ZFAND1: variants seen among roughly 807,000 people sequenced by gnomAD.
The protein encoded by ZFAND1 is zinc finger AN1-type containing 1, also known as AN1-type zinc finger protein 1.
A neutral mutation model predicts 38.5 loss-of-function variants in ZFAND1; 40 were observed. The observed-to-expected ratio is 1.04, with a 90% CI of 0.81 to 1.35. The LOEUF is 1.35. ZFAND1 is among the 40% of genes most tolerant of loss of function. The probability of loss-of-function intolerance (pLI) is 0.00; values close to 1 mark genes in which losing one functional copy is unlikely to be tolerated. For synonymous variants in ZFAND1, 117 were observed against 103.6 expected (o/e 1.13, Z -0.78); for missense variants, 346 against 316.3 (o/e 1.09, Z -0.71).
In ZFAND1 at chr8:81,721,262, C is replaced by G; in HGVS notation, c.20G>C (p.Gly7Ala). The G allele has an allele frequency of 1.3e-6, 2 of 1,549,316 alleles. No homozygotes were observed. Among genetic ancestry groups the G allele is most frequent in the Non-Finnish European group, 1.7e-6 (2 of 1,147,180 alleles). ...GCAATGCTCCACCTGGCAGTGCTGC[C>G]CGATGTCCAACTCCGCCATCTCTCC... MAELDI[G>A]QHCQVEHCRQ... The change falls in exon 1 of 8, where the codon GGG becomes GCG. Residue 7 changes from glycine to alanine, a missense_variant. Transcript: ENST00000220669.
Position 81,721,216 on chromosome 8 carries a change from T to C in ZFAND1, c.55+11A>G. On this transcript the variant is annotated intron_variant, in intron 1 of 7. Coordinates refer to ENST00000220669, the MANE Select transcript of ZFAND1 (RefSeq NM_024699.3). ...GCGGCCGGGGATGGGGGCTGGAAGC[T>C]CCCGGATCACCTCGCTGCCGGCAAT... is the stretch of plus-strand genomic sequence containing the variant. The C allele has an allele frequency of 4.5e-6, 7 of 1,547,536 alleles. No individual in the cohort carries two copies. The highest frequency in any genetic ancestry group is 6.1e-6 in the Non-Finnish European group (7 of 1,146,880).
intron 6 of ZFAND1, among the ~76,000 whole-genome samples, chr8:81,705,407 A>C (rs1171457851): frequency 2.6e-5 from 4 of 152,234 alleles, no homozygotes; most frequent in African/African-American, 9.6e-5. Flanking sequence ...AATTAGATAA[A>C]AAAGGAAACA....
intron 1 of ZFAND1, among the ~76,000 whole-genome samples, 188 bp from the exon 2 acceptor site, chr8:81,718,412 A>G (rs112684659): frequency 2.0e-5 from 3 of 152,210 alleles, no homozygotes; most frequent in African/African-American, 2.4e-5. Flanking sequence ...TTGGATTAAC[A>G]TAAGGTATTA....
intron 6 of ZFAND1, among the ~76,000 whole-genome samples, chr8:81,705,928 C>T (rs760408717): frequency 6.6e-6 from 1 of 151,852 alleles, no homozygotes; most frequent in Non-Finnish European, 1.5e-5. Flanking sequence ...AAAACAAAAA[C>T]AAAAACAATT....
chr8:81,719,512 AAAAC>A (rs201616324), intron 1 of ZFAND1, among the ~76,000 whole-genome samples: 1,532 of 152,206 alleles, frequency 0.01, 10 homozygotes, highest in Admixed American at 0.02. Flanking sequence ...ATCTCAAAAC[AAAAC>A]AAACAAACAA....
intron 6 of ZFAND1, among the ~76,000 whole-genome samples, chr8:81,705,960 A>T (rs146415590): frequency 4.6e-5 from 7 of 152,342 alleles, no homozygotes; most frequent in African/African-American, 1.7e-4. Flanking sequence ...AAATATGTCG[A>T]CAAGAGATTC....
At chr8:81,708,960 A>C in intron 6 of ZFAND1, 1 of 274,470 alleles carries the variant, frequency 3.6e-6, no homozygotes, top group Non-Finnish European at 6.4e-6. Context: ...TGTGAATTGT[A>C]ATTTCTTTGT....
chr8:81,706,947 T>C (rs1194449334), intron 6 of ZFAND1, among the ~76,000 whole-genome samples: 3 of 152,012 alleles, frequency 2.0e-5, no homozygotes, highest in South Asian at 2.1e-4. Flanking sequence ...AAGAAAAATA[T>C]GAAATGTTAC....
At chr8:81,712,838 G>C (rs370144402) in intron 6 of ZFAND1, among the ~76,000 whole-genome samples, 1 of 152,004 alleles carries the variant, frequency 6.6e-6, no homozygotes, top group African/African-American at 2.4e-5. Context: ...TAATTTCACC[G>C]AACAGGGCAA....
rs371550166 is a variant in ZFAND1 at position 81,703,669 on chromosome 8, C to A, written c.481-545G>T. Among the ~76,000 whole-genome samples, 3 of 152,254 alleles carry A rather than the reference C, an allele frequency of 2.0e-5. No homozygotes were observed. The East Asian group carries it at 5.8e-4, about 29-fold the overall frequency. On this transcript the variant is annotated intron_variant, in intron 6 of 7. Coordinates refer to ENST00000220669, the MANE Select transcript of ZFAND1 (RefSeq NM_024699.3). ...AACTCCTGACCTCAGGTGATCCACCCGCCTCGGCCTCTCAGAGTGCTGGGA... is the reference window on the plus strand; with the variant it reads ...AACTCCTGACCTCAGGTGATCCACCAGCCTCGGCCTCTCAGAGTGCTGGGA...
chr8:81,711,639 G>C (rs1315344206), intron 6 of ZFAND1, among the ~76,000 whole-genome samples: 1 of 152,122 alleles, frequency 6.6e-6, no homozygotes, highest in Non-Finnish European at 1.5e-5. Flanking sequence ...AAAGGAGAAA[G>C]AAGGAAAAGT....
intron 6 of ZFAND1, among the ~76,000 whole-genome samples, chr8:81,708,192 G>C (rs1472976930): frequency 6.8e-6 from 1 of 148,142 alleles, no homozygotes; most frequent in Admixed American, 6.8e-5. Context: ...AGATGTTGCA[G>C]TGAGCTGAGA....
chr8:81,711,327 G>A (rs562775208), intron 6 of ZFAND1, among the ~76,000 whole-genome samples: 10 of 152,182 alleles, frequency 6.6e-5, no homozygotes, highest in Non-Finnish European at 1.3e-4. Context: ...CAGGAGAATC[G>A]CTTGAACCAG....
At chr8:81,716,712 C>T (rs1222564837) in intron 3 of ZFAND1, among the ~76,000 whole-genome samples, 1 of 152,164 alleles carries the variant, frequency 6.6e-6, no homozygotes, top group African/African-American at 2.4e-5. Context: ...ACTTTGGAGG[C>T]CAAGGCGGGT....
intron 1 of ZFAND1, among the ~76,000 whole-genome samples, chr8:81,719,310 A>AACACACACACACACACACACACAC (rs71268018): frequency 2.3e-4 from 29 of 124,934 alleles, no homozygotes; most frequent in East Asian, 4.6e-4. Context: ...CTCTACTGAA[A>AACACACACACACACACACACACAC]ACACACACAC....
chr8:81,714,565 T>C (rs1808242459), intron 5 of ZFAND1: 3 of 446,412 alleles, frequency 6.7e-6, no homozygotes, highest in Middle Eastern at 1.3e-3. Context: ...AACTAGCTAA[T>C]CTAAGTGGCT....
intron 1 of ZFAND1, among the ~76,000 whole-genome samples, chr8:81,719,640 G>A (rs1210174669): frequency 6.6e-6 from 1 of 152,086 alleles, no homozygotes; most frequent in Non-Finnish European, 1.5e-5. Flanking sequence ...GTTAAGTCAA[G>A]ACAACTTCCC....
rs575826849 is a variant in ZFAND1 at position 81,715,979 on chromosome 8, G to A, written c.139-865C>T. On this transcript the variant is annotated intron_variant, in intron 3 of 7. Transcript: ENST00000220669. ...CTTCAGTAAGTTTTATTGTATGACT[G>A]AATATTTCCTCCAATTAATGCTGCA... is the stretch of plus-strand genomic sequence containing the variant. Among the ~76,000 whole-genome samples, 38 of 152,314 alleles carry A rather than the reference G, an allele frequency of 2.5e-4. No individual in the cohort carries two copies. The South Asian group carries it at 7.5e-3, about 30-fold the overall frequency.
intron 3 of ZFAND1, among the ~76,000 whole-genome samples, chr8:81,716,043 T>G (rs1375885488): frequency 1.3e-5 from 2 of 152,240 alleles, no homozygotes; most frequent in Non-Finnish European, 2.9e-5. Context: ...TTTCCTCAAA[T>G]AGATCACGTA....
Sources: allele counts gnomAD v4.1 joint callset (sites outside exome capture counted in the v4.1 genomes callset), GRCh38; gene constraint gnomAD v4.1.1; transcripts MANE v1.5; gene names NCBI Gene and HGNC (gene_info 2026-07-23, HGNC 2026-07-21).